The following CSMD1 variants were observed in gnomAD, a reference collection of about 807,000 sequenced individuals.
CSMD1 encodes CUB and Sushi multiple domains 1.
In CSMD1, 213 loss-of-function variants were observed where a neutral mutation model predicts 417.5. The observed-to-expected ratio is 0.51, with a 90% CI of 0.46 to 0.57. The LOEUF (loss-of-function observed/expected upper bound fraction) is 0.57. Among genes scored for constraint, CSMD1 ranks in the 20% least tolerant of loss-of-function variants. The probability of loss-of-function intolerance (pLI) is 0.00; values close to 1 mark genes in which losing one functional copy is unlikely to be tolerated. For synonymous variants in CSMD1, 2,862 were observed against 1,736.8 expected, an observed-to-expected ratio of 1.65 and a Z score of -16.11; for missense variants, 6,923 against 4,529.7, an observed-to-expected ratio of 1.53 and a Z score of -15.17.
At chr8:4,652,297 T>C (rs1459592283) in intron 1 of CSMD1, among the ~76,000 whole-genome samples, 1 of 152,162 alleles carries the variant, frequency 6.6e-6, no homozygotes, top group Non-Finnish European at 1.5e-5. Context: ...GGAATAACTG[T>C]GAAGAGACAT....
rs116820684 is a variant in CSMD1 at position 3,816,529 on chromosome 8, A to G, written c.819-62487T>C. 4.3e-3 allele frequency among the ~76,000 whole-genome samples: 652 copies of G among 152,318 alleles called. 5 individuals carry two copies. The highest frequency in any genetic ancestry group is 0.014 in the African/African-American group (573 of 41,578). The stretch of plus-strand genomic sequence containing the variant: ...CCTCATAGATGTTTATGTATAGTTA[A>G]TAAGTACAAATATACAGGTTAATGG... On this transcript the variant is annotated intron_variant, in intron 5 of 69. Transcript: ENST00000635120.
chr8:4,106,098 G>A (rs75951764), intron 3 of CSMD1, among the ~76,000 whole-genome samples: 2,659 of 152,290 alleles, frequency 0.017, 85 homozygotes, highest in African/African-American at 0.062. Flanking sequence ...TCTGAGGCAG[G>A]ACAACCCTTG....
intron 3 of CSMD1, among the ~76,000 whole-genome samples, chr8:4,232,474 C>T (rs1482084582): frequency 1.3e-5 from 2 of 152,184 alleles, no homozygotes; most frequent in South Asian, 4.1e-4. Flanking sequence ...GCTGGGATTA[C>T]AGGCATGAGC....
chr8:4,419,666 GTTTATAGTCAAA>G (rs747807236), intron 3 of CSMD1, among the ~76,000 whole-genome samples: 1 of 152,156 alleles, frequency 6.6e-6, no homozygotes, highest in Non-Finnish European at 1.5e-5. Flanking sequence ...AGGGCTATTA[GTTTATAGTCAAA>G]TTTCTCAAAA....
intron 2 of CSMD1, among the ~76,000 whole-genome samples, chr8:4,591,586 C>A (rs776088143): frequency 6.6e-6 from 1 of 152,100 alleles, no homozygotes; most frequent in Non-Finnish European, 1.5e-5. Flanking sequence ...GGAGCAGATG[C>A]AAGCAGCTTT....
intron 5 of CSMD1, among the ~76,000 whole-genome samples, chr8:3,874,950 G>C (rs1382859372): frequency 6.6e-6 from 1 of 152,122 alleles, no homozygotes; most frequent in Non-Finnish European, 1.5e-5. Context: ...CATTTAATCT[G>C]AGAGCTTCTA....
chr8:4,223,152 A>C (rs1801140961), intron 3 of CSMD1, among the ~76,000 whole-genome samples: 1 of 152,082 alleles, frequency 6.6e-6, no homozygotes, highest in Admixed American at 6.6e-5. Context: ...AAGGAGGGCA[A>C]CGCCACCCAG....
intron 1 of CSMD1, among the ~76,000 whole-genome samples, chr8:4,668,443 AT>A (rs1461367212): frequency 1.4e-5 from 2 of 145,492 alleles, no homozygotes; most frequent in Admixed American, 6.9e-5. Context: ...TATTATTATT[AT>A]TATTATTATT....
intron 2 of CSMD1, among the ~76,000 whole-genome samples, chr8:4,425,828 C>T (rs918132016): frequency 2.0e-5 from 3 of 152,054 alleles, no homozygotes; most frequent in South Asian, 2.1e-4. Flanking sequence ...CAGGGTAGTA[C>T]GGGAATATTT....
At chr8:4,089,093 A>T (rs184796948) in intron 3 of CSMD1, among the ~76,000 whole-genome samples, 1 of 152,326 alleles carries the variant, frequency 6.6e-6, no homozygotes, top group South Asian at 2.1e-4. Context: ...ACCATGTAGG[A>T]TTCAGGAAAC....
intron 2 of CSMD1, among the ~76,000 whole-genome samples, chr8:4,597,188 G>C (rs1017670202): frequency 3.3e-5 from 5 of 151,986 alleles, no homozygotes; most frequent in Admixed American, 3.3e-4. Flanking sequence ...ATAAACTTGT[G>C]ATGCTGATTG....
At chr8:4,387,010 G>A (rs1415548568) in intron 3 of CSMD1, among the ~76,000 whole-genome samples, 2 of 152,036 alleles carry the variant, frequency 1.3e-5, no homozygotes, top group Admixed American at 6.6e-5. Context: ...GGCTTCATTT[G>A]AAAGGGACTG....
chr8:4,342,083 C>G (rs1464550109), intron 3 of CSMD1, among the ~76,000 whole-genome samples: 1 of 152,030 alleles, frequency 6.6e-6, no homozygotes, highest in Non-Finnish European at 1.5e-5. Flanking sequence ...TCAAGTAGCG[C>G]AAGCCATCTC....
intron 1 of CSMD1, among the ~76,000 whole-genome samples, chr8:4,823,180 T>C (rs1312669670): frequency 4.6e-5 from 7 of 152,088 alleles, no homozygotes; most frequent in Non-Finnish European, 8.8e-5. Context: ...CTGTCAGATC[T>C]GTTTAAGCCT....
At chr8:3,783,458 A>T (rs1466647124) in intron 5 of CSMD1, among the ~76,000 whole-genome samples, 1 of 152,134 alleles carries the variant, frequency 6.6e-6, no homozygotes. Flanking sequence ...GGGAGCACAG[A>T]AGCATTGGCG....
intron 2 of CSMD1, among the ~76,000 whole-genome samples, chr8:4,478,018 C>G (rs996421719): frequency 2.6e-5 from 4 of 152,152 alleles, no homozygotes; most frequent in African/African-American, 9.7e-5. Flanking sequence ...TCAGTGAATT[C>G]TACTACCATT....
chr8:4,798,515 G>C (rs1563419245), intron 1 of CSMD1, among the ~76,000 whole-genome samples: 1 of 152,164 alleles, frequency 6.6e-6, no homozygotes, highest in Non-Finnish European at 1.5e-5. Context: ...TCTGATATGT[G>C]AACAGACAGG....
chr8:4,239,851 A>C (rs1802285860), intron 3 of CSMD1, among the ~76,000 whole-genome samples: 1 of 152,206 alleles, frequency 6.6e-6, no homozygotes, highest in South Asian at 2.1e-4. Context: ...ACTATTTTGG[A>C]ATATAGTGAA....
chr8:3,639,908 T>C (rs1439934455), intron 7 of CSMD1, among the ~76,000 whole-genome samples: 3 of 152,234 alleles, frequency 2.0e-5, no homozygotes, highest in African/African-American at 4.8e-5. Flanking sequence ...TCTTTGTGTT[T>C]TGCTAACCCT....
Sources: allele counts gnomAD v4.1 joint callset (sites outside exome capture counted in the v4.1 genomes callset), GRCh38; gene constraint gnomAD v4.1.1; transcripts MANE v1.5; gene names NCBI Gene and HGNC (gene_info 2026-07-23, HGNC 2026-07-21).